Variants in ADAM18 observed in about 807,000 individuals in gnomAD.
ADAM18 encodes the protein disintegrin and metalloproteinase domain-containing protein 18.
A neutral mutation model predicts 94.4 loss-of-function variants in ADAM18; 117 were observed. That is an observed-to-expected ratio of 1.24 (90% confidence interval 1.07 to 1.45). The LOEUF is 1.45. Ranked by LOEUF, ADAM18 falls within the 40% of genes most tolerant of loss-of-function variation. The pLI, the probability that ADAM18 is intolerant of heterozygous loss-of-function variation, is 0.00. For missense variants in ADAM18, 936 were observed against 880.0 expected (o/e 1.06, Z -0.81); for synonymous variants, 327 against 291.6 (o/e 1.12, Z -1.24).
intron 12 of ADAM18, among the ~76,000 whole-genome samples, chr8:39,659,471 A>AATT (rs752613528): frequency 3.3e-5 from 5 of 152,144 alleles, no homozygotes; most frequent in Non-Finnish European, 7.4e-5. Context: ...AAGCAATAGC[A>AATT]ATTACTAAAA....
At chr8:39,678,111 A>G (rs1821346694) in intron 15 of ADAM18, among the ~76,000 whole-genome samples, 1 of 152,202 alleles carries the variant, frequency 6.6e-6, no homozygotes, top group East Asian at 1.9e-4. Flanking sequence ...CCTTAATTTC[A>G]TTGAAAATTA....
chr8:39,685,140 C>G (rs1216594902), intron 16 of ADAM18: 2 of 152,284 alleles, frequency 1.3e-5, no homozygotes, highest in Admixed American at 1.3e-4. Context: ...ACAACTCTTC[C>G]TGCTACAATG....
intron 6 of ADAM18, chr8:39,611,108 G>T: frequency 1.0e-6 from 1 of 993,134 alleles, no homozygotes; most frequent in Non-Finnish European, 1.2e-6. Flanking sequence ...CTCTTAATTT[G>T]CTGGTAGACT....
In ADAM18 at chr8:39,718,149, A is replaced by G. The variant is rs1406307347; in HGVS notation, c.2018-5599A>G. ...TAAAATGGTGCAGCTGTTATGAAAA[A>G]CAGTATGGAGGTTCCTCAAAAATTG... On this transcript the variant is annotated intron_variant, in intron 18 of 19. Transcript: ENST00000265707. Among the ~76,000 whole-genome samples the G allele has an allele frequency of 2.0e-5, 3 of 151,660 alleles. No individual in the cohort carries two copies. In the East Asian group the frequency reaches 5.8e-4, roughly 29 times the overall value.
intron 17 of ADAM18, among the ~76,000 whole-genome samples, chr8:39,705,173 C>T (rs1014873437): frequency 6.6e-6 from 1 of 152,038 alleles, no homozygotes; most frequent in Admixed American, 6.6e-5. Context: ...TTACACTGTA[C>T]AGAATATTGT....
chr8:39,638,962 A>G (rs1259931873), intron 10 of ADAM18, among the ~76,000 whole-genome samples: 1 of 151,938 alleles, frequency 6.6e-6, no homozygotes, highest in Non-Finnish European at 1.5e-5. Flanking sequence ...TAAATAATAT[A>G]TATTGTTTTT....
intron 14 of ADAM18, among the ~76,000 whole-genome samples, chr8:39,668,812 C>CATAT: frequency 6.6e-6 from 1 of 151,966 alleles, no homozygotes; most frequent in African/African-American, 2.4e-5. Flanking sequence ...CAGTGAAATG[C>CATAT]ATATATATAT....
intron 16 of ADAM18, among the ~76,000 whole-genome samples, chr8:39,689,525 G>A (rs1821708610): frequency 6.6e-6 from 1 of 151,994 alleles, no homozygotes; most frequent in South Asian, 2.1e-4. Context: ...CTTGTTTCTG[G>A]GTTCTCTGTT....
intron 19 of ADAM18, among the ~76,000 whole-genome samples, chr8:39,724,676 T>C (rs6474171): frequency 0.93 from 141,449 of 151,766 alleles, 66,039 homozygotes; most frequent in African/African-American, 0.98. Flanking sequence ...GATCTTTGTT[T>C]TTCTGATACA....
At chr8:39,643,505 T>C (rs763464642) in intron 10 of ADAM18, among the ~76,000 whole-genome samples, 24 of 152,108 alleles carry the variant, frequency 1.6e-4, no homozygotes, top group Non-Finnish European at 3.1e-4. Flanking sequence ...GGGTCTGTAT[T>C]AGATTTCCAG....
intron 16 of ADAM18, among the ~76,000 whole-genome samples, chr8:39,690,762 T>A (rs2129580831): frequency 6.6e-6 from 1 of 152,306 alleles, no homozygotes; most frequent in East Asian, 1.9e-4. Flanking sequence ...TTGGTGGGGA[T>A]GTAAATTAGT....
intron 18 of ADAM18, among the ~76,000 whole-genome samples, chr8:39,719,681 C>T (rs181366503): frequency 2.0e-5 from 3 of 151,530 alleles, no homozygotes; most frequent in East Asian, 1.9e-4. Flanking sequence ...CAACATAGGT[C>T]ATTGGAGAAA....
intron 10 of ADAM18, among the ~76,000 whole-genome samples, chr8:39,640,085 A>G (rs1820193990): frequency 6.6e-6 from 1 of 152,078 alleles, no homozygotes; most frequent in Non-Finnish European, 1.5e-5. Context: ...ACCTAGTTAA[A>G]AGTGTGCCAT....
At chr8:39,702,039 C>T (rs567612622) in intron 17 of ADAM18, among the ~76,000 whole-genome samples, 1 of 152,156 alleles carries the variant, frequency 6.6e-6, no homozygotes, top group Admixed American at 6.5e-5. Flanking sequence ...GGATTTCTGT[C>T]TTTGGGTCTT....
chr8:39,714,095 G>T (rs1424365914), intron 18 of ADAM18, among the ~76,000 whole-genome samples: 1 of 152,136 alleles, frequency 6.6e-6, no homozygotes. Flanking sequence ...GTACACCATG[G>T]AATACTATGC....
At chr8:39,585,641 C>G (rs1047036619) in intron 2 of ADAM18, among the ~76,000 whole-genome samples, 3 of 152,074 alleles carry the variant, frequency 2.0e-5, no homozygotes, top group African/African-American at 7.2e-5. Context: ...ATATTCATGA[C>G]CATGGTTCAG....
intron 14 of ADAM18, among the ~76,000 whole-genome samples, chr8:39,673,441 A>G (rs1821210197): frequency 6.6e-6 from 1 of 152,072 alleles, no homozygotes; most frequent in African/African-American, 2.4e-5. Flanking sequence ...TTACATAGGT[A>G]TTTCTCCTAA....
chr8:39,604,450 T>C (rs1819005293), intron 2 of ADAM18, among the ~76,000 whole-genome samples: 1 of 152,210 alleles, frequency 6.6e-6, no homozygotes, highest in Non-Finnish European at 1.5e-5. Flanking sequence ...AAATCTCATG[T>C]TGAAATGTGG....
rs749833310 is a variant in ADAM18, at chr8:39,586,794, ATCTATCTATATC to A, written c.132+1444_132+1455del. Among the ~76,000 whole-genome samples, 883 of 138,866 alleles carry A rather than the reference ATCTATCTATATC, an allele frequency of 6.4e-3. 1 individual carries two copies. The highest frequency in any genetic ancestry group is 0.013 in the Admixed American group (173 of 13,434). The allele number at this position is 138,866 out of a possible 152,430, so 91.1% of individuals were successfully genotyped here. ...TATCTATCTATCTATCTATCTATCT[ATCTATCTATATC>A]TATCTATCTATCATCTATTCTGTTT... On this transcript the variant is annotated intron_variant, in intron 2 of 19. Coordinates refer to ENST00000265707, the MANE Select transcript of ADAM18 (RefSeq NM_014237.3).
Sources: allele counts gnomAD v4.1 joint callset (sites outside exome capture counted in the v4.1 genomes callset), GRCh38; gene constraint gnomAD v4.1.1; transcripts MANE v1.5; gene names NCBI Gene and HGNC (gene_info 2026-07-23, HGNC 2026-07-21).